Variants in SLC7A2 observed in about 807,000 individuals in gnomAD.
SLC7A2 encodes the protein solute carrier family 7 member 2.
SLC7A2 carries 48 observed loss-of-function variants against 58.9 expected under a neutral mutation model. The ratio of observed to expected loss-of-function variants is 0.82; its 90% confidence interval spans 0.65 to 1.04. SLC7A2 has a LOEUF of 1.04. Among genes scored for constraint, SLC7A2 ranks in the 50% least tolerant of loss-of-function variants. The pLI is 0.00. For synonymous variants in SLC7A2, 363 were observed against 314.5 expected (o/e 1.15, Z -1.63); for missense variants, 1,029 against 818.8 (o/e 1.26, Z -3.13).
At chr8:17,522,293 G>A (rs1801045661) in intron 2 of SLC7A2, among the ~76,000 whole-genome samples, 1 of 152,060 alleles carries the variant, frequency 6.6e-6, no homozygotes, top group Non-Finnish European at 1.5e-5. Flanking sequence ...TGAGAACAGT[G>A]TGGGGGAAAC....
intron 2 of SLC7A2, among the ~76,000 whole-genome samples, chr8:17,533,067 A>G (rs1228713500): frequency 6.6e-6 from 1 of 152,152 alleles, no homozygotes; most frequent in African/African-American, 2.4e-5. Flanking sequence ...TGCATGTTCT[A>G]GATAGAAATT....
At chr8:17,498,735 C>T (rs1253396503) in intron 1 of SLC7A2, 4 of 152,190 alleles carry the variant, frequency 2.6e-5, no homozygotes, top group African/African-American at 9.7e-5. Flanking sequence ...CAGAGTAAAG[C>T]GCTGTGGTAT....
At chr8:17,521,609 G>C (rs1481449331) in intron 2 of SLC7A2, among the ~76,000 whole-genome samples, 1 of 152,238 alleles carries the variant, frequency 6.6e-6, no homozygotes, top group East Asian at 1.9e-4. Context: ...TAGCCCCAGA[G>C]ACAGGGACTC....
chr8:17,554,994 C>T (rs141742478), intron 8 of SLC7A2: 4 of 1,613,740 alleles, frequency 2.5e-6, no homozygotes, highest in African/African-American at 2.7e-5. Flanking sequence ...TTGCCATGGC[C>T]CGGGATGGCT....
At chr8:17,499,333 C>G (rs187237569) in intron 1 of SLC7A2, 28 of 149,454 alleles carry the variant, frequency 1.9e-4, no homozygotes, top group Admixed American at 1.7e-3. Flanking sequence ...CTCTCTTCCT[C>G]TCTCTCTGTC....
Position 17,543,326 on chromosome 8 carries a change from C to A in SLC7A2, c.-14C>A. On this transcript the variant is annotated 5_prime_UTR_variant, in exon 3 of 13. Coordinates refer to ENST00000494857, the MANE Select transcript of SLC7A2 (RefSeq NM_001370338.1). ...TCCTCCCTTCTGCTCAGGTCGCCTTCGTCAGACGTCAGAATGATTCCTTGC... is the reference window on the plus strand; with the variant it reads ...TCCTCCCTTCTGCTCAGGTCGCCTTAGTCAGACGTCAGAATGATTCCTTGC... The A allele has an allele frequency of 6.2e-7, 1 of 1,602,412 alleles. No homozygotes were observed. Among genetic ancestry groups the A allele is most frequent in the Admixed American group, 1.7e-5 (1 of 58,294 alleles).
rs186091168 is a variant in SLC7A2 at position 17,505,546 on chromosome 8, C to T, written c.-23+3244C>T. ...ACTTGACTTCAGTGATCTCCAGCCT[C>T]GCCATCTTTCTTTCCTCCAGATTCT... On this transcript the variant is annotated intron_variant, in intron 2 of 12. Coordinates refer to ENST00000494857, the MANE Select transcript of SLC7A2 (RefSeq NM_001370338.1). Among the ~76,000 whole-genome samples, 47 of 152,254 alleles carry T rather than the reference C, an allele frequency of 3.1e-4. 2 individuals carry two copies. The highest frequency in any genetic ancestry group is 1.0e-3 in the African/African-American group (42 of 41,530).
intron 1 of SLC7A2, among the ~76,000 whole-genome samples, chr8:17,498,113 C>T (rs960664260): frequency 6.6e-6 from 1 of 152,218 alleles, no homozygotes; most frequent in African/African-American, 2.4e-5. Context: ...TACTCAGCCT[C>T]TTCAGAGTTG....
chr8:17,525,538 A>G (rs1801187898), intron 2 of SLC7A2, among the ~76,000 whole-genome samples: 1 of 152,224 alleles, frequency 6.6e-6, no homozygotes, highest in South Asian at 2.1e-4. Flanking sequence ...GGGTGTATGA[A>G]CAGTAGGAGT....
intron 8 of SLC7A2, among the ~76,000 whole-genome samples, chr8:17,556,281 A>T (rs17504917): frequency 0.054 from 8,245 of 152,210 alleles, 298 homozygotes; most frequent in East Asian, 0.076. Flanking sequence ...CTCATAAAAA[A>T]TTTTCTCTTT....
chr8:17,566,024 T>TCCC lies in SLC7A2; in HGVS notation c.*878_*879insCCC, dbSNP rs11427242. 16,569 of 152,058 alleles carry TCCC rather than the reference T, an allele frequency of 0.11. 1,820 individuals carry two copies. Among genetic ancestry groups the TCCC allele is most frequent in the African/African-American group, 0.28 (11,474 of 41,426 alleles). 9.4% of individuals were successfully genotyped at this position (152,058 alleles called of 1,614,324 possible). A position where few individuals can be genotyped will look rare whatever the true frequency, so the allele number is the denominator to read the frequency against. ...CACCAGGGCCAGAAAGCTCATGGAG[T>TCCC]GGCCGTAATGAGAATATGTTTGAAG... is the stretch of plus-strand genomic sequence containing the variant. On this transcript the variant is annotated 3_prime_UTR_variant, in exon 13 of 13. Coordinates refer to ENST00000494857, the MANE Select transcript of SLC7A2 (RefSeq NM_001370338.1).
At chr8:17,530,676 G>C (rs932641517) in intron 2 of SLC7A2, among the ~76,000 whole-genome samples, 1 of 151,354 alleles carries the variant, frequency 6.6e-6, no homozygotes, top group African/African-American at 2.4e-5. Flanking sequence ...AGGTTCAAGC[G>C]TTTCTCCTGC....
At chr8:17,527,636 C>T (rs979367792) in intron 2 of SLC7A2, among the ~76,000 whole-genome samples, 2 of 152,064 alleles carry the variant, frequency 1.3e-5, no homozygotes, top group African/African-American at 4.8e-5. Flanking sequence ...CTGGTTGTGG[C>T]CATCCATCTT....
chr8:17,494,163 A>AACTT (rs1475715581), upstream of SLC7A2, among the ~76,000 whole-genome samples: 43 of 152,344 alleles, frequency 2.8e-4, no homozygotes, highest in East Asian at 4.4e-3. Context: ...CACAAATTAG[A>AACTT]ACTAGTAAGA....
chr8:17,546,882 G>A (rs1265613014), intron 4 of SLC7A2, among the ~76,000 whole-genome samples: 3 of 151,910 alleles, frequency 2.0e-5, no homozygotes, highest in East Asian at 3.9e-4. Flanking sequence ...ATACCAGATG[G>A]GTTAAAGATA....
chr8:17,517,711 G>A (rs1008124008), intron 2 of SLC7A2, among the ~76,000 whole-genome samples: 1 of 152,038 alleles, frequency 6.6e-6, no homozygotes, highest in Non-Finnish European at 1.5e-5. Context: ...TCATGAATTT[G>A]AAAAGTTAAA....
chr8:17,529,096 G>C lies in SLC7A2; in HGVS notation c.-22-14222G>C, dbSNP rs539483233. Among the ~76,000 whole-genome samples, 254 of 152,224 alleles carry C rather than the reference G, an allele frequency of 1.7e-3. 1 individual carries two copies. The highest frequency in any genetic ancestry group is 3.5e-3 in the Admixed American group (54 of 15,286). On this transcript the variant is annotated intron_variant, in intron 2 of 12. Coordinates refer to ENST00000494857, the MANE Select transcript of SLC7A2 (RefSeq NM_001370338.1). ...TTTATAATAAAAAAGCATTATAAAG[G>C]CTTTAACATTAAATGTTACTGGGGG...
At chr8:17,553,645 G>A (rs956868492) in intron 7 of SLC7A2, among the ~76,000 whole-genome samples, 3 of 152,116 alleles carry the variant, frequency 2.0e-5, no homozygotes, top group East Asian at 1.9e-4. Flanking sequence ...GGTGGCATGC[G>A]CCTTTAGTCC....
chr8:17,553,004 T>C (rs1802523664), intron 7 of SLC7A2, among the ~76,000 whole-genome samples: 1 of 152,180 alleles, frequency 6.6e-6, no homozygotes, highest in South Asian at 2.1e-4. Flanking sequence ...GTTAAGACAA[T>C]ATTGAGTAGC....
Sources: allele counts gnomAD v4.1 joint callset (sites outside exome capture counted in the v4.1 genomes callset), GRCh38; gene constraint gnomAD v4.1.1; transcripts MANE v1.5; gene names NCBI Gene and HGNC (gene_info 2026-07-23, HGNC 2026-07-21).